Variants in DBF4 observed in about 807,000 individuals in gnomAD.
DBF4 encodes the protein protein DBF4 homolog A.
Under a neutral mutation model 76.6 loss-of-function variants are expected in DBF4, and 25 were observed. The observed-to-expected ratio is 0.33, with a 90% CI of 0.24 to 0.46. The LOEUF (loss-of-function observed/expected upper bound fraction) is 0.46. Among genes scored for constraint, DBF4 ranks in the 20% least tolerant of loss-of-function variants. DBF4 has a pLI of 1.00. For missense variants in DBF4, 638 were observed against 760.8 expected (o/e 0.84, Z 1.90); for synonymous variants, 213 against 258.0 (o/e 0.83, Z 1.67).
intron 6 of DBF4, among the ~76,000 whole-genome samples, chr7:87,894,342 C>T (rs1839572628): frequency 6.6e-6 from 1 of 152,102 alleles, no homozygotes; most frequent in African/African-American, 2.4e-5. Flanking sequence ...CGCCTGTAGT[C>T]CCACCTGCTT....
rs888577071 is a variant in DBF4, at chr7:87,876,624, G to A, written c.-109G>A. ...TACTGCGTAGAGGCCGTAGCTGGCG[G>A]AAGGAGAGAGGCGGCCGTCCTGTCA... On this transcript the variant is annotated 5_prime_UTR_variant, in exon 1 of 12. Transcript: ENST00000265728. The A allele has an allele frequency of 3.6e-5, 45 of 1,261,986 alleles. 1 individual carries two copies. The highest frequency in any genetic ancestry group is 4.8e-5 in the Non-Finnish European group (42 of 879,834). The allele number at this position is 1,261,986 out of a possible 1,614,324, so 78.2% of individuals were successfully genotyped here.
rs1424400860 is a variant in DBF4 at position 87,883,459 on chromosome 7, G to A, written c.220-1520G>A. 2.6e-5 allele frequency among the ~76,000 whole-genome samples: 4 copies of A among 152,042 alleles called. No homozygotes were observed. In the South Asian group the frequency reaches 6.2e-4, roughly 24 times the overall value. ...TCACAATAAAAGTGTATAGGAGATCGGGTTTCTTATGAAAAATTAGAACCT... is the reference window on the plus strand; with the variant it reads ...TCACAATAAAAGTGTATAGGAGATCAGGTTTCTTATGAAAAATTAGAACCT... On this transcript the variant is annotated intron_variant, in intron 2 of 11. Coordinates refer to ENST00000265728, the MANE Select transcript of DBF4 (RefSeq NM_006716.4).
At chr7:87,897,435 C>G (rs770406531) in intron 8 of DBF4, 96 bp downstream of exon 8, 4 of 1,156,652 alleles carry the variant, frequency 3.5e-6, no homozygotes, top group Non-Finnish European at 5.0e-6. Context: ...CTGTTAGGTT[C>G]CTTTGTGTTT....
chr7:87,883,326 G>A (rs1411162697), intron 2 of DBF4, among the ~76,000 whole-genome samples: 2 of 152,150 alleles, frequency 1.3e-5, no homozygotes, highest in African/African-American at 2.4e-5. Context: ...TTGGGATCAT[G>A]GAAAAGTTAT....
chr7:87,894,270 A>G (rs1839570207), intron 6 of DBF4, among the ~76,000 whole-genome samples: 4 of 152,196 alleles, frequency 2.6e-5, no homozygotes, highest in African/African-American at 9.6e-5. Context: ...AGCCTGGGCA[A>G]CATGGTGAAA....
Position 87,896,528 on chromosome 7 carries a change from T to G in DBF4, c.634+18T>G, listed in dbSNP as rs770957882. 2.5e-6 allele frequency: 4 copies of G among 1,607,004 alleles called. No individual in the cohort carries two copies. Among genetic ancestry groups the G allele is most frequent in the Non-Finnish European group, 8.5e-7 (1 of 1,175,306 alleles). ...AACAAGAAGTAAGTATTTTGTGATC[T>G]TTAAGTGTATTTGGTTTGCATTTGA... On this transcript the variant is annotated intron_variant, in intron 7 of 11. Transcript: ENST00000265728.
chr7:87,886,766 C>CT (rs1471257531), intron 3 of DBF4, 78 bp from the exon 4 acceptor site: 9 of 906,700 alleles, frequency 9.9e-6, no homozygotes, highest in Non-Finnish European at 1.2e-5. Flanking sequence ...CAAAAGTTCT[C>CT]TTTTCTTAGC....
At chr7:87,876,890 C>A (rs1839063806) in intron 1 of DBF4, 112 bp downstream of exon 1, 3 of 1,216,434 alleles carry the variant, frequency 2.5e-6, no homozygotes, top group Non-Finnish European at 2.4e-6. Context: ...TTTCTTCTGA[C>A]CGGCCTCTGG....
intron 4 of DBF4, 113 bp downstream of exon 4, chr7:87,887,007 T>C: frequency 1.4e-6 from 1 of 715,928 alleles, no homozygotes; most frequent in Non-Finnish European, 2.3e-6. Flanking sequence ...AAAACCTGAA[T>C]CTCAGCATAT....
chr7:87,877,851 AT>A (rs1432301107), intron 1 of DBF4, among the ~76,000 whole-genome samples: 2 of 152,232 alleles, frequency 1.3e-5, no homozygotes, highest in Non-Finnish European at 2.9e-5. Flanking sequence ...GTCAACTATT[AT>A]TTTACAATAT....
chr7:87,900,285 C>A lies in DBF4; in HGVS notation c.745C>A (p.Pro249Thr), dbSNP rs780831826. Residue 249 changes from proline (P) to threonine (T), a missense_variant, in exon 9 of 12, where the codon CCC becomes ACC. Coordinates refer to ENST00000265728, the MANE Select transcript of DBF4 (RefSeq NM_006716.4). ...MPFINYSIQK[P>T]CSPFDVDKPS... ...TTTTATAAATTATTCTATTCAGAAGCCCTGCAGTCCATTTGATGTAGACAA... is the reference window on the plus strand; with the variant it reads ...TTTTATAAATTATTCTATTCAGAAGACCTGCAGTCCATTTGATGTAGACAA... 14 of 1,603,664 alleles carry A rather than the reference C, an allele frequency of 8.7e-6. No individual in the cohort carries two copies. Among genetic ancestry groups the A allele is most frequent in the Non-Finnish European group, 1.1e-5 (13 of 1,176,490 alleles).
At chr7:87,906,949 G>A (rs1839926962) in intron 11 of DBF4, among the ~76,000 whole-genome samples, 1 of 152,174 alleles carries the variant, frequency 6.6e-6, no homozygotes, top group Admixed American at 6.5e-5. Flanking sequence ...GGCAGGGAAT[G>A]TAGAGGAGAA....
chr7:87,885,358 C>T (rs1399550459), intron 3 of DBF4, among the ~76,000 whole-genome samples, 200 bp downstream of exon 3: 1 of 152,220 alleles, frequency 6.6e-6, no homozygotes, highest in Non-Finnish European at 1.5e-5. Flanking sequence ...TAATCATACT[C>T]TGATTGCTTA....
intron 8 of DBF4, among the ~76,000 whole-genome samples, chr7:87,899,946 A>G (rs1156329852): frequency 6.6e-6 from 1 of 152,192 alleles, no homozygotes; most frequent in Non-Finnish European, 1.5e-5. Flanking sequence ...GATGGACGGT[A>G]GCAGTGATGG....
chr7:87,879,837 C>T (rs1029811211), intron 2 of DBF4, among the ~76,000 whole-genome samples: 3 of 151,846 alleles, frequency 2.0e-5, no homozygotes, highest in African/African-American at 7.3e-5. Flanking sequence ...CCTGTAGTCC[C>T]AGCTATTCGG....
intron 6 of DBF4, among the ~76,000 whole-genome samples, chr7:87,893,455 C>T (rs1839547442): frequency 6.6e-6 from 1 of 151,656 alleles, no homozygotes; most frequent in African/African-American, 2.4e-5. Context: ...CCTTGTTAGC[C>T]AGAATGGTCT....
Position 87,907,331 on chromosome 7 carries a change from T to G in DBF4, c.1193T>G (p.Leu398Arg). Residue 398 changes from leucine to arginine, a missense_variant, in exon 12 of 12, where the codon CTG (leucine) becomes CGG (arginine). Leu to Arg is a moderately radical substitution (Grantham distance 102). Transcript: ENST00000265728. ...ACAACAGTGAAGGAGCAGAATTTCC[T>G]GTATAAAGAGACCCAGGAAACTGAA... ...DDTTVKEQNF[L>R]YKETQETEKK... 1 of 1,614,012 alleles carries G rather than the reference T, an allele frequency of 6.2e-7. No homozygotes were observed. Among genetic ancestry groups the G allele is most frequent in the Non-Finnish European group, 8.5e-7 (1 of 1,179,936 alleles).
At chr7:87,883,532 A>C (rs1259723093) in intron 2 of DBF4, among the ~76,000 whole-genome samples, 1 of 152,166 alleles carries the variant, frequency 6.6e-6, no homozygotes, top group Non-Finnish European at 1.5e-5. Flanking sequence ...GCAGTATTTG[A>C]TGTGTGAATT....
At chr7:87,893,109 A>G (rs974463278) in intron 6 of DBF4, among the ~76,000 whole-genome samples, 1 of 152,168 alleles carries the variant, frequency 6.6e-6, no homozygotes, top group Non-Finnish European at 1.5e-5. Context: ...TGTTCTGTCC[A>G]CTACTGAGAG....
Sources: allele counts gnomAD v4.1 joint callset (sites outside exome capture counted in the v4.1 genomes callset), GRCh38; gene constraint gnomAD v4.1.1; transcripts MANE v1.5; gene names NCBI Gene and HGNC (gene_info 2026-07-23, HGNC 2026-07-21).